The following RIC1 variants were observed in gnomAD, a reference collection of about 807,000 sequenced individuals.
The protein encoded by RIC1 is RIC1 partner of RAB6A GEF complex.
In RIC1, 88 loss-of-function variants were observed where a neutral mutation model predicts 169.0. That is an observed-to-expected ratio of 0.52 (90% CI 0.44 to 0.62). The LOEUF is 0.62. Among genes scored for constraint, RIC1 ranks in the 20% least tolerant of loss-of-function variants. The pLI is 0.00. For missense variants in RIC1, 1,877 were observed against 1,725.5 expected (o/e 1.09, Z -1.56); for synonymous variants, 790 against 601.5 (o/e 1.31, Z -4.59).
At chr9:5,655,756 G>A (rs140789408) in intron 1 of RIC1, among the ~76,000 whole-genome samples, 289 of 152,214 alleles carry the variant, frequency 1.9e-3, no homozygotes, top group African/African-American at 6.4e-3. Flanking sequence ...GGGGTATATC[G>A]TATTTGGTTA....
Position 5,722,332 on chromosome 9 carries a change from A to C in RIC1, c.720+1582A>C, listed in dbSNP as rs1423895873. 1.5e-4 allele frequency among the ~76,000 whole-genome samples: 15 copies of C among 97,572 alleles called. 1 individual carries two copies. The highest frequency in any genetic ancestry group is 2.2e-5 in the Non-Finnish European group (1 of 46,310). The allele number at this position is 97,572 out of a possible 152,430, so 64.0% of individuals were successfully genotyped here. ...TTACAGAAGGAATGAGCTTGCAAAA[A>C]CTATAAGAGAGAGAGAGTGTGTGTG... On this transcript the variant is annotated intron_variant, in intron 6 of 25. Coordinates refer to ENST00000414202, the MANE Select transcript of RIC1 (RefSeq NM_020829.4).
Position 5,753,092 on chromosome 9 carries a change from C to T in RIC1, c.1453-108C>T, listed in dbSNP as rs7047792. ...AAGTGCTCTGCTACTAACTAGGGGG[C>T]ACCTTAAACATTGTTCGGCAAGATG... is the stretch of plus-strand genomic sequence containing the variant. On this transcript the variant is annotated intron_variant, in intron 12 of 25. Coordinates refer to ENST00000414202, the MANE Select transcript of RIC1 (RefSeq NM_020829.4). 1,545 of 898,352 alleles carry T rather than the reference C, an allele frequency of 1.7e-3. 18 individuals are homozygous for T. In the African/African-American group the frequency reaches 0.023, roughly 13 times the overall value. 55.6% of individuals were successfully genotyped at this position (898,352 alleles called of 1,614,324 possible).
At position 5,763,588 on chromosome 9, in the gene RIC1, T is replaced by C; in HGVS notation, c.2561T>C (p.Leu854Ser). 1 of 1,614,154 alleles carries C rather than the reference T, an allele frequency of 6.2e-7. No homozygotes were observed. The highest frequency in any genetic ancestry group is 2.2e-5 in the East Asian group (1 of 44,878). ...CTCTTGGCCCAGTCCTGTGCCACAT[T>C]ACCTTACTTCCCTCATGTGCTGGAG... ...ALLLAQSCAT[L>S]PYFPHVLELM... The change falls in exon 19 of 26, where the codon TTA becomes TCA. Residue 854 changes from leucine to serine, a missense_variant. Transcript: ENST00000414202. This position sits in a 1 kb window ranked among gnomAD's most constrained non-coding sequence, Gnocchi z 5.2.
At chr9:5,695,915 C>G (rs1821874563) in intron 3 of RIC1, among the ~76,000 whole-genome samples, 1 of 151,620 alleles carries the variant, frequency 6.6e-6, no homozygotes, top group Admixed American at 6.6e-5. Flanking sequence ...ACCTCACTCA[C>G]TTACCCCCTG....
intron 17 of RIC1, among the ~76,000 whole-genome samples, chr9:5,758,773 T>A (rs1206392948): frequency 2.6e-4 from 36 of 140,628 alleles, no homozygotes; most frequent in African/African-American, 8.4e-4. Flanking sequence ...TGAGATGGAG[T>A]CTCACTCTAT....
At chr9:5,667,864 C>G (rs547144732) in intron 2 of RIC1, among the ~76,000 whole-genome samples, 41 of 152,258 alleles carry the variant, frequency 2.7e-4, no homozygotes, top group African/African-American at 9.4e-4. Context: ...TTACCCAGCT[C>G]CAAAGTTGCT....
rs143009466 is a variant in RIC1 at position 5,657,015 on chromosome 9, T to G, written c.252+325T>G. Among the ~76,000 whole-genome samples, 162 of 152,218 alleles carry G rather than the reference T, an allele frequency of 1.1e-3. 3 individuals are homozygous for G. Among genetic ancestry groups the G allele is most frequent in the Admixed American group, 8.3e-3 (127 of 15,282 alleles). Reference sequence around the variant, plus strand: ...CTGTGCGTGTTACTCCTACTATAGCTTCTGTTTTGACTCTGCTGCTTCCTT... The same window carrying G: ...CTGTGCGTGTTACTCCTACTATAGCGTCTGTTTTGACTCTGCTGCTTCCTT... On this transcript the variant is annotated intron_variant, in intron 2 of 25. Coordinates refer to ENST00000414202, the MANE Select transcript of RIC1 (RefSeq NM_020829.4).
rs1315977666 is a variant in RIC1, at chr9:5,720,188, G to A, written c.447G>A (p.Gln149=). The A allele has an allele frequency of 6.2e-7, 1 of 1,610,874 alleles. No homozygotes were observed. The highest frequency in any genetic ancestry group is 8.5e-7 in the Non-Finnish European group (1 of 1,177,378). Residue 149 remains glutamine (Q), a synonymous_variant, in exon 5 of 26, where the codon CAG becomes CAA. Transcript: ENST00000414202. ...TAATTGATTCTACCTACAGTTTGCAGTCTGTGTTGGAAGATCTCCTGGTTG... is the reference window on the plus strand; with the variant it reads ...TAATTGATTCTACCTACAGTTTGCAATCTGTGTTGGAAGATCTCCTGGTTG... ...LDLQAPIMSL[Q]SVLEDLLVAT...
rs1330554804 is a variant in RIC1 at position 5,720,649 on chromosome 9, A to G, written c.619A>G (p.Arg207Gly). 1.2e-6 allele frequency: 2 copies of G among 1,610,670 alleles called. No homozygotes were observed. The highest frequency in any genetic ancestry group is 1.7e-6 in the Non-Finnish European group (2 of 1,178,878). ...CCTGGGCTTCACAGACGTACACATCAGAGACATGGAATACTGTGCCACACT... is the reference window on the plus strand; with the variant it reads ...CCTGGGCTTCACAGACGTACACATCGGAGACATGGAATACTGTGCCACACT... ...SFLGFTDVHIRDMEYCATLDG... is the reference protein window; with the variant it reads ...SFLGFTDVHIGDMEYCATLDG... Residue 207 changes from arginine (R) to glycine (G), a missense_variant, in exon 6 of 26, where the codon AGA becomes GGA. This residue lies in a region of RIC1 where 1,104 missense variants were observed against 992.0 expected (regional missense o/e 1.11). Coordinates refer to ENST00000414202, the MANE Select transcript of RIC1 (RefSeq NM_020829.4).
chr9:5,702,341 A>G (rs574155861), intron 3 of RIC1, among the ~76,000 whole-genome samples: 181 of 152,252 alleles, frequency 1.2e-3, no homozygotes, highest in African/African-American at 3.7e-3. Flanking sequence ...TTATAAAGAA[A>G]AGAGGTTTAA....
intron 2 of RIC1, among the ~76,000 whole-genome samples, chr9:5,657,193 C>T (rs1298866901): frequency 1.3e-5 from 2 of 152,016 alleles, no homozygotes; most frequent in Non-Finnish European, 2.9e-5. Flanking sequence ...AAAGATATTC[C>T]AGAAAATAAT....
chr9:5,765,181 G>A (rs1826632761), intron 19 of RIC1: 3 of 427,126 alleles, frequency 7.0e-6, no homozygotes, highest in Non-Finnish European at 8.3e-6. Context: ...ATGACTTAAA[G>A]TATATGTATG....
chr9:5,738,349 C>G (rs756767212), intron 7 of RIC1, 101 bp from the exon 8 acceptor site: 4 of 743,588 alleles, frequency 5.4e-6, no homozygotes, highest in Non-Finnish European at 8.9e-6. Context: ...TGGTTTTGTT[C>G]TAGTTTACAC....
intron 3 of RIC1, among the ~76,000 whole-genome samples, chr9:5,711,229 G>A (rs1822910213): frequency 6.6e-6 from 1 of 152,130 alleles, no homozygotes; most frequent in African/African-American, 2.4e-5. Context: ...CCACACTTGA[G>A]AATCTAAAAG....
intron 2 of RIC1, among the ~76,000 whole-genome samples, chr9:5,656,937 T>C (rs890517513): frequency 3.3e-5 from 5 of 152,174 alleles, no homozygotes; most frequent in South Asian, 2.1e-4. Context: ...TTTCTGTTTG[T>C]TGTTCTCACT....
chr9:5,640,100 C>T (rs2130302102), intron 1 of RIC1, among the ~76,000 whole-genome samples: 1 of 152,176 alleles, frequency 6.6e-6, no homozygotes, highest in South Asian at 2.1e-4. Flanking sequence ...GGACTTCTGC[C>T]ATTTTGATAT....
chr9:5,638,215 G>C (rs1343462667), intron 1 of RIC1, among the ~76,000 whole-genome samples: 1 of 152,150 alleles, frequency 6.6e-6, no homozygotes, highest in East Asian at 1.9e-4. Context: ...CATGATGAAT[G>C]ATCTTTTTAA....
At chr9:5,764,626 C>A (rs1826575323) in intron 19 of RIC1, among the ~76,000 whole-genome samples, 1 of 152,146 alleles carries the variant, frequency 6.6e-6, no homozygotes, top group Non-Finnish European at 1.5e-5. Context: ...TGCTTCATGA[C>A]AATGAACTGA....
At chr9:5,685,621 C>T (rs1821171329) in intron 2 of RIC1, among the ~76,000 whole-genome samples, 1 of 151,430 alleles carries the variant, frequency 6.6e-6, no homozygotes, top group Non-Finnish European at 1.5e-5. Context: ...ATACAAAAAT[C>T]AATTCAAGAT....
Sources: allele counts gnomAD v4.1 joint callset (sites outside exome capture counted in the v4.1 genomes callset), GRCh38; gene constraint gnomAD v4.1.1; regional missense constraint gnomAD v4.1.1; non-coding constraint Gnocchi (gnomAD v3.1); transcripts MANE v1.5; gene names NCBI Gene and HGNC (gene_info 2026-07-23, HGNC 2026-07-21).